CCDC38: variants seen among roughly 807,000 people sequenced by gnomAD.
CCDC38 encodes coiled-coil domain-containing protein 38.
CCDC38 carries 69 observed loss-of-function variants against 72.8 expected under a neutral mutation model. The observed-to-expected ratio is 0.95, with a 90% CI of 0.78 to 1.16. CCDC38 has a LOEUF of 1.16. Among genes scored for constraint, CCDC38 ranks in the 50% most tolerant of loss-of-function variants. The pLI is 0.00. For synonymous variants in CCDC38, 201 were observed against 213.2 expected, an observed-to-expected ratio of 0.94 and a Z score of 0.50; for missense variants, 626 against 638.9, an observed-to-expected ratio of 0.98 and a Z score of 0.22.
intron 2 of CCDC38, among the ~76,000 whole-genome samples, chr12:95,928,352 T>A (rs537615597): frequency 6.6e-6 from 1 of 152,364 alleles, no homozygotes; most frequent in South Asian, 2.1e-4. Flanking sequence ...GCTTCTGCAT[T>A]CTTCACGTAG....
At chr12:95,899,769 G>A (rs998654409) in intron 5 of CCDC38, among the ~76,000 whole-genome samples, 6 of 152,096 alleles carry the variant, frequency 3.9e-5, no homozygotes, top group South Asian at 2.1e-4. Context: ...ACTTTATTCC[G>A]CAAGTACTTA....
intron 4 of CCDC38, among the ~76,000 whole-genome samples, chr12:95,914,367 A>G (rs906343496): frequency 1.3e-5 from 2 of 152,220 alleles, no homozygotes; most frequent in South Asian, 4.1e-4. Flanking sequence ...TATTATGGGA[A>G]TCACTGACAT....
At chr12:95,923,508 T>A (rs1215529341) in intron 2 of CCDC38, among the ~76,000 whole-genome samples, 1 of 152,044 alleles carries the variant, frequency 6.6e-6, no homozygotes, top group African/African-American at 2.4e-5. Context: ...TCTACAAACT[T>A]AGATTCTGCC....
chr12:95,881,019 T>C (rs908002436), intron 11 of CCDC38, among the ~76,000 whole-genome samples: 2 of 152,154 alleles, frequency 1.3e-5, no homozygotes, highest in Non-Finnish European at 2.9e-5. Context: ...TTGGATAAGG[T>C]GTGTAATATA....
At chr12:95,909,571 A>G (rs1788096476) in intron 4 of CCDC38, among the ~76,000 whole-genome samples, 1 of 152,204 alleles carries the variant, frequency 6.6e-6, no homozygotes, top group Non-Finnish European at 1.5e-5. Flanking sequence ...TATCATCCTG[A>G]TATCAAAATC....
At chr12:95,910,291 C>T (rs920092763) in intron 4 of CCDC38, among the ~76,000 whole-genome samples, 61 of 141,960 alleles carry the variant, frequency 4.3e-4, no homozygotes, top group African/African-American at 1.5e-3. Context: ...AGAATGCAAT[C>T]CCATTTACAT....
intron 7 of CCDC38, among the ~76,000 whole-genome samples, chr12:95,895,922 G>A (rs981546481): frequency 1.3e-5 from 2 of 151,748 alleles, no homozygotes; most frequent in South Asian, 2.1e-4. Flanking sequence ...CAGGCGTGGT[G>A]GCGCATGCCT....
At chr12:95,901,006 G>A (rs2079944727) in intron 5 of CCDC38, among the ~76,000 whole-genome samples, 1 of 152,174 alleles carries the variant, frequency 6.6e-6, no homozygotes, top group African/African-American at 2.4e-5. Context: ...GGAAGGGCAT[G>A]ATCCTATCAC....
At chr12:95,870,330 A>T (rs2079567712) in intron 14 of CCDC38, among the ~76,000 whole-genome samples, 1 of 152,162 alleles carries the variant, frequency 6.6e-6, no homozygotes, top group African/African-American at 2.4e-5. Context: ...TGAGGGAAAA[A>T]TTAAGTAATC....
chr12:95,895,482 T>A (rs1379858386), intron 7 of CCDC38, among the ~76,000 whole-genome samples: 1 of 152,186 alleles, frequency 6.6e-6, no homozygotes, highest in East Asian at 1.9e-4. Context: ...CCGGGTGCAG[T>A]GGCTCACACG....
intron 1 of CCDC38, among the ~76,000 whole-genome samples, chr12:95,940,326 G>A (rs2080435334): frequency 1.3e-5 from 2 of 152,188 alleles, no homozygotes; most frequent in South Asian, 2.1e-4. Flanking sequence ...TCCAGGGGAA[G>A]TGGGGAAAGA....
chr12:95,891,354 T>C (rs1478226913), intron 8 of CCDC38, among the ~76,000 whole-genome samples: 1 of 152,174 alleles, frequency 6.6e-6, no homozygotes, highest in East Asian at 1.9e-4. Flanking sequence ...TATTTTATTT[T>C]ATTTTTTTGG....
At chr12:95,918,763 A>C in intron 3 of CCDC38, 113 bp downstream of exon 3, 1 of 680,360 alleles carries the variant, frequency 1.5e-6, no homozygotes, top group East Asian at 2.6e-5. Context: ...TGGGGCACAC[A>C]CCATCTGCGT....
intron 4 of CCDC38, 140 bp downstream of exon 4, chr12:95,916,989 C>A (rs1001429576): frequency 4.2e-5 from 21 of 500,104 alleles, no homozygotes; most frequent in Non-Finnish European, 2.0e-5. Context: ...TCTCCTAACT[C>A]TCAATCCCCA....
At chr12:95,912,871 A>G (rs1017806358) in intron 4 of CCDC38, among the ~76,000 whole-genome samples, 1 of 152,068 alleles carries the variant, frequency 6.6e-6, no homozygotes, top group Non-Finnish European at 1.5e-5. Context: ...ACCAACCTGG[A>G]CAACATGGCG....
intron 14 of CCDC38, chr12:95,869,846 CAG>C (rs2079561772): frequency 1.9e-5 from 6 of 312,510 alleles, no homozygotes; most frequent in African/African-American, 7.3e-5. Context: ...TCCTCAGAGA[CAG>C]AGTCTCAGTC....
intron 8 of CCDC38, 37 bp downstream of exon 8, chr12:95,894,952 A>G: frequency 3.3e-6 from 5 of 1,503,070 alleles, no homozygotes; most frequent in Non-Finnish European, 3.6e-6. Flanking sequence ...AGAGTTAGGG[A>G]TATTTAGTTC....
At chr12:95,920,918 C>T (rs185762189) in intron 2 of CCDC38, among the ~76,000 whole-genome samples, 4 of 152,084 alleles carry the variant, frequency 2.6e-5, no homozygotes, top group Admixed American at 6.5e-5. Flanking sequence ...AACCTGAGGT[C>T]GGGAGTTCGA....
chr12:95,931,314 A>T (rs2080336032), intron 2 of CCDC38, among the ~76,000 whole-genome samples: 1 of 152,212 alleles, frequency 6.6e-6, no homozygotes, highest in Non-Finnish European at 1.5e-5. Context: ...GTCTTTGAAT[A>T]AAAGGACTCT....
Sources: allele counts gnomAD v4.1 joint callset (sites outside exome capture counted in the v4.1 genomes callset), GRCh38; gene constraint gnomAD v4.1.1; transcripts MANE v1.5; gene names NCBI Gene and HGNC (gene_info 2026-07-23, HGNC 2026-07-21).